NTM: variants seen among roughly 807,000 people sequenced by gnomAD.
NTM encodes IgLON family member 2.
Under a neutral mutation model 42.1 loss-of-function variants are expected in NTM, and 13 were observed. The ratio of observed to expected loss-of-function variants is 0.31; its 90% CI spans 0.20 to 0.49. The LOEUF is 0.49. Among genes scored for constraint, NTM ranks in the 20% least tolerant of loss-of-function variants. The pLI is 0.99. For missense variants in NTM, 373 were observed against 452.8 expected (o/e 0.82, Z 1.60); for synonymous variants, 187 against 179.2 (o/e 1.04, Z -0.35).
At chr11:131,744,705 A>C (rs1353205046) in intron 1 of NTM, among the ~76,000 whole-genome samples, 2 of 152,180 alleles carry the variant, frequency 1.3e-5, no homozygotes, top group Non-Finnish European at 2.9e-5. Context: ...TGTCCTCTGC[A>C]GTTATTTAAG....
chr11:132,112,086 A>G (rs574339800), intron 2 of NTM, among the ~76,000 whole-genome samples: 1 of 152,318 alleles, frequency 6.6e-6, no homozygotes, highest in South Asian at 2.1e-4. Flanking sequence ...ATGAAGGCCA[A>G]GCTATATTTC....
At chr11:131,905,913 C>G (rs900037877) in intron 1 of NTM, among the ~76,000 whole-genome samples, 1 of 152,094 alleles carries the variant, frequency 6.6e-6, no homozygotes, top group African/African-American at 2.4e-5. Flanking sequence ...TGTAATGAGA[C>G]AAATCACTTC....
intron 4 of NTM, among the ~76,000 whole-genome samples, chr11:132,246,990 G>T (rs2091272907): frequency 6.6e-6 from 1 of 152,196 alleles, no homozygotes; most frequent in Admixed American, 6.5e-5. Flanking sequence ...CCTCTGCTGA[G>T]AAAACCACTC....
chr11:132,114,333 C>A (rs977132849), intron 2 of NTM, among the ~76,000 whole-genome samples: 1 of 152,152 alleles, frequency 6.6e-6, no homozygotes, highest in African/African-American at 2.4e-5. Flanking sequence ...ACAGGTTAGG[C>A]CCCTGCGACC....
At chr11:132,316,077 A>G (rs2095421087) in intron 7 of NTM, among the ~76,000 whole-genome samples, 1 of 151,386 alleles carries the variant, frequency 6.6e-6, no homozygotes, top group African/African-American at 2.4e-5. Flanking sequence ...CCTGCTCTCC[A>G]CCCACAGCAC....
intron 1 of NTM, among the ~76,000 whole-genome samples, chr11:131,461,908 CT>C (rs1951419430): frequency 1.3e-5 from 2 of 152,112 alleles, no homozygotes; most frequent in Admixed American, 1.3e-4. Context: ...ATGCCTTTAT[CT>C]GAAATCCCAG....
chr11:131,691,523 G>A (rs1490749376), intron 1 of NTM, among the ~76,000 whole-genome samples: 1 of 151,248 alleles, frequency 6.6e-6, no homozygotes, highest in Non-Finnish European at 1.5e-5. Context: ...AGGCGATGTC[G>A]TCGCCTGGAC....
chr11:131,848,288 A>G (rs1347180801), intron 1 of NTM, among the ~76,000 whole-genome samples: 1 of 152,216 alleles, frequency 6.6e-6, no homozygotes, highest in Non-Finnish European at 1.5e-5. Context: ...AGATGAAGAC[A>G]TGATACCTGC....
intron 1 of NTM, among the ~76,000 whole-genome samples, chr11:131,411,872 G>A (rs895565541): frequency 5.9e-5 from 9 of 152,092 alleles, no homozygotes; most frequent in Admixed American, 5.9e-4. Context: ...GTTTTATGCA[G>A]CAAAGGGAAC....
At chr11:132,201,971 T>C (rs1043738666) in intron 3 of NTM, among the ~76,000 whole-genome samples, 16 of 152,206 alleles carry the variant, frequency 1.1e-4, no homozygotes, top group Non-Finnish European at 2.1e-4. Flanking sequence ...CAAATATTAG[T>C]TTTCTCCCAT....
chr11:132,252,473 C>A lies in NTM; in HGVS notation c.526+40326C>A, dbSNP rs1477998413. On this transcript the variant is annotated intron_variant, in intron 4 of 8. Coordinates refer to ENST00000683400, the MANE Select transcript of NTM (RefSeq NM_001352005.2). ...GGGTGGAAATGGGAGAGGAGCAATT[C>A]TGTGGGGCATATGGCAGCAGGAAAA... 4.6e-5 allele frequency among the ~76,000 whole-genome samples: 7 copies of A among 152,260 alleles called. No homozygotes were observed. In the East Asian group the frequency reaches 9.7e-4, roughly 21 times the overall value.
At chr11:132,094,738 C>T (rs2136453848) in intron 2 of NTM, among the ~76,000 whole-genome samples, 1 of 152,056 alleles carries the variant, frequency 6.6e-6, no homozygotes, top group East Asian at 1.9e-4. Context: ...TGGAAACAAC[C>T]AGAGAGAGAG....
At chr11:131,797,048 G>A (rs554096367) in intron 1 of NTM, among the ~76,000 whole-genome samples, 1 of 152,088 alleles carries the variant, frequency 6.6e-6, no homozygotes, top group Non-Finnish European at 1.5e-5. Flanking sequence ...TACTTAGAAG[G>A]CTCTAATAAT....
chr11:131,454,812 G>A (rs1950749360), intron 1 of NTM, among the ~76,000 whole-genome samples: 1 of 152,044 alleles, frequency 6.6e-6, no homozygotes, highest in African/African-American at 2.4e-5. Context: ...TTACGCTGGG[G>A]CCACAGAGAG....
Position 131,451,090 on chromosome 11 carries a change from C to G in NTM, c.82+80202C>G, listed in dbSNP as rs373750690. On this transcript the variant is annotated intron_variant, in intron 1 of 8. Coordinates refer to ENST00000683400, the MANE Select transcript of NTM (RefSeq NM_001352005.2). ...TTTGTCCTGGGTGCTTTAAATGGAA[C>G]AGAACAAAATTTCCTTCTTCTAGTT... Among the ~76,000 whole-genome samples, 149 of 151,218 alleles carry G rather than the reference C, an allele frequency of 9.9e-4. 1 individual carries two copies. The highest frequency in any genetic ancestry group is 3.4e-3 in the African/African-American group (139 of 41,138).
intron 2 of NTM, among the ~76,000 whole-genome samples, chr11:131,975,775 G>C (rs529804648): frequency 2.6e-5 from 4 of 152,252 alleles, no homozygotes; most frequent in African/African-American, 9.6e-5. Flanking sequence ...CCACTTGAAA[G>C]GAAGAGGGTC....
At chr11:131,793,221 G>A (rs978389660) in intron 1 of NTM, among the ~76,000 whole-genome samples, 12 of 152,216 alleles carry the variant, frequency 7.9e-5, no homozygotes, top group African/African-American at 2.9e-4. Context: ...AGTAATAATG[G>A]TAATGCTACT....
At chr11:131,461,878 C>A (rs1214698430) in intron 1 of NTM, among the ~76,000 whole-genome samples, 2 of 152,168 alleles carry the variant, frequency 1.3e-5, no homozygotes, top group Non-Finnish European at 2.9e-5. Context: ...AGATACAAAG[C>A]AGGGACATTC....
chr11:132,030,671 C>T (rs944022293), intron 2 of NTM, among the ~76,000 whole-genome samples: 13 of 152,128 alleles, frequency 8.5e-5, no homozygotes, highest in Non-Finnish European at 1.8e-4. Context: ...CCTCATATGC[C>T]AAAGCCCTGT....
Sources: allele counts gnomAD v4.1 joint callset (sites outside exome capture counted in the v4.1 genomes callset), GRCh38; gene constraint gnomAD v4.1.1; transcripts MANE v1.5; gene names NCBI Gene and HGNC (gene_info 2026-07-23, HGNC 2026-07-21).